AGBL1: variants seen among roughly 807,000 people sequenced by gnomAD.
AGBL1 encodes cytosolic carboxypeptidase 4.
Under a neutral mutation model 118.9 loss-of-function variants are expected in AGBL1, and 130 were observed. The ratio of observed to expected loss-of-function variants is 1.09; its 90% CI spans 0.95 to 1.26. The LOEUF (loss-of-function observed/expected upper bound fraction) is 1.26, where lower values mean the gene tolerates loss of function less well. Ranked by LOEUF, AGBL1 falls within the 50% of genes most tolerant of loss-of-function variation. The probability of loss-of-function intolerance (pLI) is 0.00; values close to 1 mark genes in which losing one functional copy is unlikely to be tolerated. For missense variants in AGBL1, 1,584 were observed against 1,298.1 expected (o/e 1.22, Z -3.38); for synonymous variants, 555 against 478.9 (o/e 1.16, Z -2.08).
chr15:86,936,478 A>C (rs2080676873), intron 23 of AGBL1, among the ~76,000 whole-genome samples: 1 of 152,184 alleles, frequency 6.6e-6, no homozygotes, highest in Non-Finnish European at 1.5e-5. Context: ...GAATGTTAGC[A>C]GGACATTCAA....
At chr15:86,874,620 G>A (rs1243801314) in intron 22 of AGBL1, among the ~76,000 whole-genome samples, 1 of 152,112 alleles carries the variant, frequency 6.6e-6, no homozygotes, top group Non-Finnish European at 1.5e-5. Context: ...TCCAGAGTTA[G>A]GAAAATCCCT....
intron 3 of AGBL1, among the ~76,000 whole-genome samples, chr15:86,154,133 G>T (rs2077155534): frequency 6.6e-6 from 1 of 151,922 alleles, no homozygotes. Flanking sequence ...CGTCTTAAAG[G>T]AACAACTTTA....
intron 22 of AGBL1, among the ~76,000 whole-genome samples, chr15:86,781,422 T>G (rs904720088): frequency 2.6e-5 from 4 of 151,842 alleles, no homozygotes; most frequent in African/African-American, 9.7e-5. Flanking sequence ...TTTGTGGGAG[T>G]TGATATAAGA....
At chr15:86,285,144 A>G (rs1195093425) in intron 16 of AGBL1, among the ~76,000 whole-genome samples, 1 of 152,148 alleles carries the variant, frequency 6.6e-6, no homozygotes, top group Non-Finnish European at 1.5e-5. Context: ...CCATTTTTGC[A>G]AAAGGAAATC....
intron 18 of AGBL1, among the ~76,000 whole-genome samples, chr15:86,419,301 G>A (rs758696194): frequency 2.6e-5 from 4 of 152,120 alleles, no homozygotes; most frequent in African/African-American, 4.8e-5. Context: ...GAAAGTGGGT[G>A]CAGCCCATGG....
chr15:86,679,897 G>A (rs2085922419), intron 22 of AGBL1, among the ~76,000 whole-genome samples: 1 of 152,056 alleles, frequency 6.6e-6, no homozygotes, highest in African/African-American at 2.4e-5. Context: ...GCTGTGATCT[G>A]AAATATTATT....
intron 19 of AGBL1, among the ~76,000 whole-genome samples, chr15:86,532,075 C>A (rs866970786): frequency 4.0e-5 from 6 of 151,346 alleles, no homozygotes; most frequent in Non-Finnish European, 7.4e-5. Context: ...TCTCTCACCG[C>A]TCCTATTCAA....
intron 5 of AGBL1, among the ~76,000 whole-genome samples, chr15:86,209,406 G>C (rs531653231): frequency 6.6e-6 from 1 of 152,118 alleles, no homozygotes; most frequent in African/African-American, 2.4e-5. Context: ...GTCTAATATT[G>C]ACAGTGGAGT....
intron 16 of AGBL1, among the ~76,000 whole-genome samples, chr15:86,286,750 A>C (rs537446475): frequency 1.4e-5 from 1 of 73,834 alleles, no homozygotes; most frequent in East Asian, 2.8e-4. Flanking sequence ...TATATATATA[A>C]AACTCCATCA....
At chr15:86,126,865 A>T (rs775596011) in intron 1 of AGBL1, among the ~76,000 whole-genome samples, 1 of 152,174 alleles carries the variant, frequency 6.6e-6, no homozygotes, top group African/African-American at 2.4e-5. Context: ...TAGCACTGAG[A>T]TTCCTGGATA....
chr15:86,782,284 AC>A (rs150486210), intron 22 of AGBL1, among the ~76,000 whole-genome samples: 5,338 of 152,224 alleles, frequency 0.035, 306 homozygotes, highest in Admixed American at 0.15. Flanking sequence ...AATGAAGAGT[AC>A]TATTTTCCAT....
chr15:86,696,926 C>T (rs1251230727), intron 22 of AGBL1, among the ~76,000 whole-genome samples: 2 of 151,772 alleles, frequency 1.3e-5, no homozygotes, highest in Non-Finnish European at 2.9e-5. Context: ...AAGATAGGGC[C>T]CCAATCCTTT....
In AGBL1 at chr15:86,808,985, G is replaced by C. The variant is rs150251606; in HGVS notation, c.3159-98102G>C. Among the ~76,000 whole-genome samples, 106 of 152,170 alleles carry C rather than the reference G, an allele frequency of 7.0e-4. 3 individuals are homozygous for C. In the East Asian group the frequency reaches 0.019, roughly 27 times the overall value. ...GTGAGATACTGATGAATGGAAAAAG[G>C]CATAACCCTATGGTTTCTTTCGTAA... is the stretch of plus-strand genomic sequence containing the variant. On this transcript the variant is annotated intron_variant, in intron 22 of 22. Transcript: ENST00000614907.
chr15:86,956,783 AT>A (rs1248392512), intron 23 of AGBL1, among the ~76,000 whole-genome samples: 1 of 152,044 alleles, frequency 6.6e-6, no homozygotes, highest in African/African-American at 2.4e-5. Flanking sequence ...CTATTTAGCA[AT>A]GAGAAGTAAA....
intron 23 of AGBL1, among the ~76,000 whole-genome samples, chr15:86,984,023 C>G (rs954329966): frequency 6.6e-6 from 1 of 152,060 alleles, no homozygotes; most frequent in Admixed American, 6.6e-5. Context: ...GTGGGCATAT[C>G]ATTTTATTTC....
chr15:86,957,800 T>A (rs1034995547), intron 23 of AGBL1, among the ~76,000 whole-genome samples: 2 of 152,162 alleles, frequency 1.3e-5, no homozygotes, highest in African/African-American at 4.8e-5. Flanking sequence ...TAAATGTTAA[T>A]TCAATTAAAA....
chr15:86,358,728 G>A (rs1052854103), intron 17 of AGBL1, among the ~76,000 whole-genome samples: 1 of 151,836 alleles, frequency 6.6e-6, no homozygotes, highest in African/African-American at 2.4e-5. Context: ...TAGGTATGAC[G>A]TTATATCTCA....
At chr15:86,131,056 G>T (rs529144264) in intron 1 of AGBL1, among the ~76,000 whole-genome samples, 1 of 152,104 alleles carries the variant, frequency 6.6e-6, no homozygotes, top group Non-Finnish European at 1.5e-5. Context: ...GGGTCTTTCC[G>T]TATGGCAAGA....
intron 23 of AGBL1, among the ~76,000 whole-genome samples, chr15:86,969,379 C>G (rs1403950586): frequency 6.6e-6 from 1 of 151,716 alleles, no homozygotes; most frequent in East Asian, 1.9e-4. Flanking sequence ...ACTACCTGCT[C>G]TCCTTTAGAA....
Sources: allele counts gnomAD v4.1 joint callset (sites outside exome capture counted in the v4.1 genomes callset), GRCh38; gene constraint gnomAD v4.1.1; transcripts MANE v1.5; gene names NCBI Gene and HGNC (gene_info 2026-07-23, HGNC 2026-07-21).